SPAG9: variants seen among roughly 807,000 people sequenced by gnomAD.
The protein encoded by SPAG9 is sperm associated antigen 9.
In SPAG9, 35 loss-of-function variants were observed where a neutral mutation model predicts 166.5. The observed-to-expected ratio is 0.21, with a 90% CI of 0.16 to 0.28. The LOEUF is 0.28. SPAG9 is among the 10% of genes least tolerant of loss of function. SPAG9 has a pLI of 1.00. For missense variants in SPAG9, 1,235 were observed against 1,603.3 expected, an observed-to-expected ratio of 0.77 and a Z score of 3.92; for synonymous variants, 534 against 565.5, an observed-to-expected ratio of 0.94 and a Z score of 0.79.
chr17:50,997,446 G>A (rs897433480), intron 15 of SPAG9, among the ~76,000 whole-genome samples: 1 of 152,156 alleles, frequency 6.6e-6, no homozygotes, highest in African/African-American at 2.4e-5. Context: ...TAGGAAGATT[G>A]ATATAGGTTA....
At chr17:51,113,432 C>T (rs1317941686) in intron 1 of SPAG9, among the ~76,000 whole-genome samples, 2 of 151,378 alleles carry the variant, frequency 1.3e-5, no homozygotes, top group Admixed American at 1.3e-4. Flanking sequence ...GTAATCCCAG[C>T]ACTTTGGGAG....
intron 3 of SPAG9, among the ~76,000 whole-genome samples, chr17:51,048,164 G>A (rs1315139565): frequency 2.6e-5 from 4 of 151,986 alleles, no homozygotes; most frequent in Non-Finnish European, 5.9e-5. Flanking sequence ...TGACAGACAA[G>A]CTGAATAAGA....
rs1379884811 is a variant in SPAG9 at position 51,021,461 on chromosome 17, C to T, written c.784-96G>A. The T allele has an allele frequency of 1.0e-5, 11 of 1,072,118 alleles. No homozygotes were observed. In the African/African-American group the frequency reaches 1.4e-4, roughly 14 times the overall value. 66.4% of individuals were successfully genotyped at this position (1,072,118 alleles called of 1,614,324 possible). A position where few individuals can be genotyped will look rare whatever the true frequency, so the allele number is the denominator to read the frequency against. On this transcript the variant is annotated intron_variant, in intron 6 of 29. Coordinates refer to ENST00000262013, the MANE Select transcript of SPAG9 (RefSeq NM_001130528.3). ...AGAAATAAATCTACCAAAGAAAGTTCTATTTTTTTTTCCAAAATAAAGGCA... is the reference window on the plus strand; with the variant it reads ...AGAAATAAATCTACCAAAGAAAGTTTTATTTTTTTTTCCAAAATAAAGGCA...
chr17:50,987,569 G>C (rs1975152687), intron 21 of SPAG9, among the ~76,000 whole-genome samples: 1 of 148,454 alleles, frequency 6.7e-6, no homozygotes, highest in Admixed American at 6.7e-5. Context: ...AAAGTCAAAA[G>C]CTTACATCAC....
chr17:51,004,991 G>A (rs1215461660), intron 12 of SPAG9, among the ~76,000 whole-genome samples: 1 of 152,146 alleles, frequency 6.6e-6, no homozygotes, highest in African/African-American at 2.4e-5. Context: ...ACAGGTAAGA[G>A]CACAGAGGCA....
intron 6 of SPAG9, among the ~76,000 whole-genome samples, chr17:51,030,257 C>A (rs1301310576): frequency 2.0e-5 from 3 of 152,098 alleles, no homozygotes; most frequent in African/African-American, 7.2e-5. Flanking sequence ...AATGAATTAT[C>A]CCATTCAGTT....
chr17:51,055,598 A>C (rs1287098986), intron 3 of SPAG9, among the ~76,000 whole-genome samples: 1 of 152,192 alleles, frequency 6.6e-6, no homozygotes, highest in South Asian at 2.1e-4. Context: ...GGGAGAAAAA[A>C]AAACAAACAA....
chr17:51,015,850 C>G (rs145809163), intron 8 of SPAG9, among the ~76,000 whole-genome samples: 2 of 151,724 alleles, frequency 1.3e-5, no homozygotes, highest in African/African-American at 4.8e-5. Context: ...TGTTCCAGAA[C>G]GAGAGCAGAA....
intron 1 of SPAG9, among the ~76,000 whole-genome samples, chr17:51,079,948 T>C (rs930475534): frequency 6.6e-6 from 1 of 152,220 alleles, no homozygotes; most frequent in Non-Finnish European, 1.5e-5. Flanking sequence ...ATGATATACA[T>C]ATCTTACTAC....
intron 12 of SPAG9, among the ~76,000 whole-genome samples, chr17:51,002,177 G>A (rs1210449619): frequency 6.6e-6 from 1 of 151,998 alleles, no homozygotes; most frequent in East Asian, 1.9e-4. Context: ...CAACACGCCT[G>A]ACTAATTTTT....
intron 27 of SPAG9, among the ~76,000 whole-genome samples, chr17:50,976,143 T>C (rs1393068724): frequency 2.0e-5 from 3 of 151,982 alleles, no homozygotes; most frequent in African/African-American, 7.2e-5. Flanking sequence ...TTTTAAATAA[T>C]AAAGCAATTT....
intron 26 of SPAG9, among the ~76,000 whole-genome samples, chr17:50,977,907 A>G (rs1974312696): frequency 6.6e-6 from 1 of 152,116 alleles, no homozygotes. Context: ...ACCCAGATAA[A>G]TCAAGTGTCC....
intron 1 of SPAG9, among the ~76,000 whole-genome samples, chr17:51,085,788 T>G (rs2048288726): frequency 6.6e-6 from 1 of 152,174 alleles, no homozygotes; most frequent in Non-Finnish European, 1.5e-5. Context: ...CTTTTGAGTA[T>G]ATTGTGAAAA....
intron 1 of SPAG9, among the ~76,000 whole-genome samples, chr17:51,102,940 T>C (rs2048847785): frequency 6.6e-6 from 1 of 152,188 alleles, no homozygotes; most frequent in Non-Finnish European, 1.5e-5. Flanking sequence ...ATTCCTACAA[T>C]ACTTCTGAAA....
chr17:51,096,054 G>GATATAT (rs1205885218), intron 1 of SPAG9, among the ~76,000 whole-genome samples: 3 of 135,630 alleles, frequency 2.2e-5, no homozygotes, highest in Non-Finnish European at 3.1e-5. Context: ...TATATATAGT[G>GATATAT]ATATATATAT....
chr17:51,083,834 G>GA (rs777718966), intron 1 of SPAG9, among the ~76,000 whole-genome samples: 1 of 151,832 alleles, frequency 6.6e-6, no homozygotes, highest in African/African-American at 2.4e-5. Context: ...TATTTCCCCA[G>GA]AAAAAACGCC....
chr17:50,966,494 T>A (rs1279853738), intron 29 of SPAG9, 107 bp from the exon 30 acceptor site: 2 of 728,172 alleles, frequency 2.7e-6, no homozygotes, highest in Non-Finnish European at 5.0e-6. Context: ...TGCCCAAAAC[T>A]TGTCTGACTT....
At position 50,966,375 on chromosome 17, in the gene SPAG9, C is replaced by T; in HGVS notation, c.3863G>A (p.Gly1288Glu). ...YIDFRMGDEG[G>E]ESELLGEDLP... is the part of the protein sequence containing the mutation. ...ATCCTCTCCAAGAAGTTCTGATTCT[C>T]CACCTTCATCACCTAGTGAATGATA... Residue 1288 changes from glycine (G) to glutamate (E), a missense_variant, in exon 30 of 30, where the codon GGA (glycine) becomes GAA (glutamate). Gly to Glu is a moderately conservative substitution (Grantham distance 98). This residue lies in a region of SPAG9 where 243 missense variants were observed against 358.6 expected (regional missense o/e 0.68). Coordinates refer to ENST00000262013, the MANE Select transcript of SPAG9 (RefSeq NM_001130528.3). 6.2e-7 allele frequency: 1 copy of T among 1,604,218 alleles called. No individual in the cohort carries two copies. The highest frequency in any genetic ancestry group is 8.5e-7 in the Non-Finnish European group (1 of 1,171,032).
intron 3 of SPAG9, among the ~76,000 whole-genome samples, chr17:51,053,316 G>A (rs948107802): frequency 4.0e-5 from 6 of 151,784 alleles, no homozygotes; most frequent in South Asian, 2.1e-4. Flanking sequence ...TTGAGCCCAG[G>A]AGTTCCAGAC....
Sources: allele counts gnomAD v4.1 joint callset (sites outside exome capture counted in the v4.1 genomes callset), GRCh38; gene constraint gnomAD v4.1.1; regional missense constraint gnomAD v4.1.1; transcripts MANE v1.5; gene names NCBI Gene and HGNC (gene_info 2026-07-23, HGNC 2026-07-21).